Variants in PTPRJ observed in about 807,000 individuals in gnomAD.
PTPRJ encodes the protein receptor-type tyrosine-protein phosphatase eta.
A neutral mutation model predicts 141.3 loss-of-function variants in PTPRJ; 129 were observed. The observed-to-expected ratio is 0.91, with a 90% CI of 0.79 to 1.06. The LOEUF is 1.06. Among genes scored for constraint, PTPRJ ranks in the 50% least tolerant of loss-of-function variants. The probability of loss-of-function intolerance (pLI) is 0.00; values close to 1 mark genes in which losing one functional copy is unlikely to be tolerated. For missense variants in PTPRJ, 1,601 were observed against 1,679.7 expected (o/e 0.95, Z 0.82); for synonymous variants, 610 against 640.5 (o/e 0.95, Z 0.72).
Position 47,980,615 on chromosome 11 carries a change from C to A in PTPRJ, c.-298C>A, listed in dbSNP as rs1409296614. ...GCGGGAGCAGCCGCGGGAGCCGGGA[C>A]CGGGTAGCCGCGCGCTGGGGGTGGG... is the stretch of plus-strand genomic sequence containing the variant. On this transcript the variant is annotated 5_prime_UTR_variant, in exon 1 of 25. Transcript: ENST00000418331. The A allele has an allele frequency of 4.1e-6, 4 of 983,424 alleles. No homozygotes were observed. The highest frequency in any genetic ancestry group is 1.8e-5 in the African/African-American group (1 of 56,914). The allele number at this position is 983,424 out of a possible 1,614,324, so 60.9% of individuals were successfully genotyped here. A position where few individuals can be genotyped will look rare whatever the true frequency, so the allele number is the denominator to read the frequency against.
intron 8 of PTPRJ, among the ~76,000 whole-genome samples, chr11:48,133,802 G>A (rs1340683812): frequency 6.6e-6 from 1 of 152,166 alleles, no homozygotes; most frequent in Non-Finnish European, 1.5e-5. Flanking sequence ...CTGATTTATG[G>A]TACAACATGG....
chr11:48,111,899 G>T (rs573760640), intron 2 of PTPRJ, among the ~76,000 whole-genome samples: 1 of 152,168 alleles, frequency 6.6e-6, no homozygotes, highest in African/African-American at 2.4e-5. Context: ...CTGGCCCTGA[G>T]AAATTACTCC....
intron 1 of PTPRJ, among the ~76,000 whole-genome samples, chr11:48,043,361 G>A (rs998864870): frequency 6.6e-6 from 1 of 152,152 alleles, no homozygotes; most frequent in African/African-American, 2.4e-5. Flanking sequence ...TTACAGGCAG[G>A]AGCCACATTT....
At position 48,139,506 on chromosome 11, in the gene PTPRJ, T is replaced by G. The variant is rs762598774; in HGVS notation, c.2173T>G (p.Phe725Val). 23 of 1,613,904 alleles carry G rather than the reference T, an allele frequency of 1.4e-5. No homozygotes were observed. Among genetic ancestry groups the G allele is most frequent in the Non-Finnish European group, 1.9e-5 (22 of 1,179,850 alleles). ...TGCAGATCCTGCGTCCATGGCCTCCTTCGACTGCGAAGTGGTCCCCAAAGA... is the reference window on the plus strand; with the variant it reads ...TGCAGATCCTGCGTCCATGGCCTCCGTCGACTGCGAAGTGGTCCCCAAAGA... ...FCTDPASMAS[F>V]DCEVVPKEPA... The change falls in exon 11 of 25, where the codon TTC becomes GTC. Residue 725 changes from phenylalanine to valine, a missense_variant. Physicochemically the swap from Phe to Val is conservative, Grantham distance 50 (BLOSUM62 -1). Transcript: ENST00000418331.
At chr11:47,989,424 G>A (rs909977217) in intron 1 of PTPRJ, among the ~76,000 whole-genome samples, 66 of 151,606 alleles carry the variant, frequency 4.4e-4, no homozygotes, top group African/African-American at 1.3e-3. Context: ...GTGCCACCAC[G>A]CCCAGCTAAT....
chr11:48,072,093 C>T (rs528348422), intron 1 of PTPRJ, among the ~76,000 whole-genome samples: 18 of 151,960 alleles, frequency 1.2e-4, no homozygotes, highest in East Asian at 3.9e-4. Flanking sequence ...TTTGTACAGA[C>T]GGGGTTTCAC....
At chr11:48,030,384 C>T (rs1416024461) in intron 1 of PTPRJ, among the ~76,000 whole-genome samples, 1 of 152,212 alleles carries the variant, frequency 6.6e-6, no homozygotes, top group African/African-American at 2.4e-5. Context: ...TACCTGCTTA[C>T]ACATGGCTTT....
intron 1 of PTPRJ, among the ~76,000 whole-genome samples, chr11:48,050,126 G>A (rs1384519869): frequency 6.6e-6 from 1 of 152,210 alleles, no homozygotes; most frequent in Non-Finnish European, 1.5e-5. Context: ...AGCCTCTTCA[G>A]TCAGATGGTT....
At chr11:48,080,349 T>C (rs1855525268) in intron 1 of PTPRJ, among the ~76,000 whole-genome samples, 1 of 152,202 alleles carries the variant, frequency 6.6e-6, no homozygotes, top group African/African-American at 2.4e-5. Context: ...TCACTACAAC[T>C]ATGGGAAGTA....
At chr11:48,025,453 G>T (rs920192314) in intron 1 of PTPRJ, among the ~76,000 whole-genome samples, 2 of 152,140 alleles carry the variant, frequency 1.3e-5, no homozygotes, top group Non-Finnish European at 2.9e-5. Flanking sequence ...GGTGTATGCC[G>T]GAGGCCACCA....
intron 5 of PTPRJ, among the ~76,000 whole-genome samples, chr11:48,124,747 A>G (rs1362522213): frequency 6.6e-6 from 1 of 152,228 alleles, no homozygotes; most frequent in African/African-American, 2.4e-5. Context: ...AGCACCAGAT[A>G]TCTGTGGTGC....
At chr11:48,139,132 CA>C (rs371060380) in intron 10 of PTPRJ, among the ~76,000 whole-genome samples, 89 of 146,004 alleles carry the variant, frequency 6.1e-4, no homozygotes, top group African/African-American at 1.6e-3. Flanking sequence ...GACTCCGTCT[CA>C]AAAAAAAAAG....
intron 1 of PTPRJ, among the ~76,000 whole-genome samples, chr11:48,034,377 A>C (rs371183341): frequency 6.6e-6 from 1 of 152,222 alleles, no homozygotes; most frequent in East Asian, 1.9e-4. Flanking sequence ...TCAGTTTTAC[A>C]TCATGGGATT....
At position 48,082,166 on chromosome 11, in the gene PTPRJ, C is replaced by T. The variant is rs559260560; in HGVS notation, c.97-27892C>T. On this transcript the variant is annotated intron_variant, in intron 1 of 24. Coordinates refer to ENST00000418331, the MANE Select transcript of PTPRJ (RefSeq NM_002843.4). Reference sequence around the variant, plus strand: ...GTTTAACTTGCTGTTTGAGAAGAGGCGATATGAGGAGCAGGGCATTTTTGG... The same window carrying T: ...GTTTAACTTGCTGTTTGAGAAGAGGTGATATGAGGAGCAGGGCATTTTTGG... Among the ~76,000 whole-genome samples, 7 of 152,248 alleles carry T rather than the reference C, an allele frequency of 4.6e-5. No individual in the cohort carries two copies. The South Asian group carries it at 1.0e-3, about 23-fold the overall frequency.
intron 15 of PTPRJ, among the ~76,000 whole-genome samples, chr11:48,147,876 T>C (rs900087977): frequency 2.0e-5 from 3 of 151,958 alleles, no homozygotes; most frequent in African/African-American, 7.2e-5. Flanking sequence ...AGATGGAGTC[T>C]GGCTCTGTCC....
chr11:48,150,282 A>G, intron 18 of PTPRJ, 99 bp downstream of exon 18: 1 of 932,746 alleles, frequency 1.1e-6, no homozygotes, highest in South Asian at 1.4e-5. Context: ...CTGAAAGAAC[A>G]CTCGAGGGAC....
At position 48,112,995 on chromosome 11, in the gene PTPRJ, C is replaced by T; in HGVS notation, c.352+12C>T. On this transcript the variant is annotated intron_variant, in intron 3 of 24. Transcript: ENST00000418331. The stretch of plus-strand genomic sequence containing the variant: ...TCCCAGTAGCACTGGTAAGCATAGG[C>T]TTTTCTGCCAGTCATGTTTCTTAAA... 1.9e-6 allele frequency: 3 copies of T among 1,573,732 alleles called. No individual in the cohort carries two copies. The highest frequency in any genetic ancestry group is 2.6e-6 in the Non-Finnish European group (3 of 1,148,248).
intron 1 of PTPRJ, among the ~76,000 whole-genome samples, chr11:48,040,849 G>T (rs973012567): frequency 1.3e-5 from 2 of 152,016 alleles, no homozygotes; most frequent in Non-Finnish European, 2.9e-5. Context: ...TGATCTGCCC[G>T]CCTCGGCCTC....
intron 1 of PTPRJ, among the ~76,000 whole-genome samples, chr11:48,024,176 C>A (rs545679586): frequency 1.3e-5 from 2 of 151,914 alleles, no homozygotes; most frequent in Non-Finnish European, 2.9e-5. Flanking sequence ...TGAAGACAGG[C>A]ACCACACTTA....
Sources: gnomAD v4.1 joint callset for allele counts (sites outside exome capture counted in the v4.1 genomes callset) on GRCh38, gnomAD v4.1.1 for gene constraint, MANE v1.5 for transcripts, NCBI Gene and HGNC (gene_info 2026-07-23, HGNC 2026-07-21) for gene names.